Variants in CTNNA2 observed in about 807,000 individuals in gnomAD.
The protein encoded by CTNNA2 is catenin alpha 2, also known as catenin alpha-2.
Under a neutral mutation model 101.0 loss-of-function variants are expected in CTNNA2, and 42 were observed. The observed-to-expected ratio is 0.42, with a 90% CI of 0.32 to 0.54. The LOEUF (loss-of-function observed/expected upper bound fraction) is 0.54, where lower values mean the gene tolerates loss of function less well. CTNNA2 is among the 20% of genes least tolerant of loss of function. The pLI is 0.14. For missense variants in CTNNA2, 871 were observed against 1,223.1 expected, an observed-to-expected ratio of 0.71 and a Z score of 4.29; for synonymous variants, 450 against 456.4, an observed-to-expected ratio of 0.99 and a Z score of 0.18.
At chr2:79,212,680 G>A (rs1183537192) in intron 2 of CTNNA2, among the ~76,000 whole-genome samples, 1 of 123,626 alleles carries the variant, frequency 8.1e-6, no homozygotes, top group East Asian at 2.9e-4. Flanking sequence ...ATGTCTGACA[G>A]AAGGGAAGAA....
chr2:79,617,142 T>G (rs1678681242), intron 1 of CTNNA2, among the ~76,000 whole-genome samples: 1 of 152,170 alleles, frequency 6.6e-6, no homozygotes, highest in Admixed American at 6.5e-5. Context: ...GACCTCGTGA[T>G]CCGCCCACCT....
chr2:79,264,131 TGAA>T (rs1674959791), intron 2 of CTNNA2, among the ~76,000 whole-genome samples: 1 of 152,078 alleles, frequency 6.6e-6, no homozygotes, highest in African/African-American at 2.4e-5. Flanking sequence ...ATAACTGGAA[TGAA>T]GGAGGGAAAC....
intron 1 of CTNNA2, among the ~76,000 whole-genome samples, chr2:79,564,833 G>T (rs1180972162): frequency 6.6e-6 from 1 of 152,070 alleles, no homozygotes; most frequent in Non-Finnish European, 1.5e-5. Flanking sequence ...TGGGATTCCA[G>T]CTTCATGCTA....
intron 4 of CTNNA2, among the ~76,000 whole-genome samples, chr2:79,455,629 C>A (rs1252423978): frequency 6.6e-6 from 1 of 152,174 alleles, no homozygotes; most frequent in Non-Finnish European, 1.5e-5. Flanking sequence ...TTCAAAAAAC[C>A]TGGTTTGCAT....
At chr2:80,630,807 G>C (rs1672209750) in intron 18 of CTNNA2, among the ~76,000 whole-genome samples, 1 of 151,642 alleles carries the variant, frequency 6.6e-6, no homozygotes, top group Non-Finnish European at 1.5e-5. Context: ...TTGCTTCTGT[G>C]TTTGTTAATA....
chr2:80,202,776 G>T (rs1487626445), intron 7 of CTNNA2, among the ~76,000 whole-genome samples: 2 of 151,538 alleles, frequency 1.3e-5, no homozygotes, highest in Non-Finnish European at 2.9e-5. Context: ...GCCCTGAGCT[G>T]ATTGTATTGG....
chr2:79,857,972 C>G, intron 3 of CTNNA2, 41 bp from the exon 4 acceptor site: 5 of 1,589,018 alleles, frequency 3.1e-6, no homozygotes, highest in Non-Finnish European at 4.3e-6. Context: ...AGTCTCTAAG[C>G]CTCTTGTCTA....
intron 8 of CTNNA2, among the ~76,000 whole-genome samples, chr2:80,416,752 A>C (rs1680080354): frequency 6.6e-6 from 1 of 151,998 alleles, no homozygotes; most frequent in African/African-American, 2.4e-5. Context: ...AATTCTTAAA[A>C]TATTTTATTT....
chr2:79,853,589 C>T (rs1372047760), intron 3 of CTNNA2, among the ~76,000 whole-genome samples: 1 of 152,146 alleles, frequency 6.6e-6, no homozygotes, highest in African/African-American at 2.4e-5. Context: ...TGGTTCATGA[C>T]CTGATTCCTA....
chr2:80,062,024 T>C (rs918312364), intron 7 of CTNNA2, among the ~76,000 whole-genome samples: 1 of 152,258 alleles, frequency 6.6e-6, no homozygotes, highest in Non-Finnish European at 1.5e-5. Context: ...GCTTTCAGCC[T>C]GTCTGCATTT....
intron 4 of CTNNA2, among the ~76,000 whole-genome samples, 168 bp from the exon 5 acceptor site, chr2:79,869,648 T>G (rs1682431917): frequency 6.6e-6 from 1 of 152,210 alleles, no homozygotes; most frequent in African/African-American, 2.4e-5. Flanking sequence ...GAATAACTAT[T>G]TAATCTGACT....
chr2:79,280,416 C>G (rs1267767627), intron 2 of CTNNA2, among the ~76,000 whole-genome samples: 1 of 152,056 alleles, frequency 6.6e-6, no homozygotes, highest in Non-Finnish European at 1.5e-5. Context: ...TTTCTGCAAG[C>G]AAGCAAACAG....
rs567401254 is a variant in CTNNA2 at position 79,863,679 on chromosome 2, T to A, written c.465+5500T>A. ...CAAGAACTCTTAAGGAATATGGGAA[T>A]GGCAGATATGAGGAGAAGCTGCTAC... On this transcript the variant is annotated intron_variant, in intron 4 of 18. Transcript: ENST00000402739. 2.6e-5 allele frequency among the ~76,000 whole-genome samples: 4 copies of A among 152,312 alleles called. No homozygotes were observed. In the East Asian group the frequency reaches 7.7e-4, roughly 29 times the overall value.
chr2:80,431,983 G>A (rs575961837), intron 9 of CTNNA2, among the ~76,000 whole-genome samples: 39 of 152,032 alleles, frequency 2.6e-4, no homozygotes, highest in African/African-American at 9.4e-4. Context: ...CAGTGCCCAG[G>A]GTTGGCAGGT....
intron 4 of CTNNA2, among the ~76,000 whole-genome samples, chr2:79,867,388 GTCTA>G (rs1046683164): frequency 6.7e-6 from 1 of 149,586 alleles, no homozygotes; most frequent in South Asian, 2.1e-4. Flanking sequence ...TAATCTATCT[GTCTA>G]TCTATCCTAT....
chr2:80,028,500 T>G (rs2104169867), intron 7 of CTNNA2: 1 of 152,342 alleles, frequency 6.6e-6, no homozygotes, highest in Middle Eastern at 3.4e-3. Context: ...TCTTATTTTC[T>G]TTGGATTCTT....
At chr2:80,188,405 T>C (rs546373245) in intron 7 of CTNNA2, among the ~76,000 whole-genome samples, 2 of 152,302 alleles carry the variant, frequency 1.3e-5, no homozygotes, top group East Asian at 3.9e-4. Flanking sequence ...TTTCAGCTGG[T>C]GGCACTGTAT....
chr2:80,475,960 G>C (rs1157849746), intron 9 of CTNNA2, among the ~76,000 whole-genome samples: 1 of 152,000 alleles, frequency 6.6e-6, no homozygotes, highest in Non-Finnish European at 1.5e-5. Context: ...CTATCGACTA[G>C]AGCAATAATG....
chr2:80,185,016 T>C (rs990872250), intron 7 of CTNNA2, among the ~76,000 whole-genome samples: 7 of 152,174 alleles, frequency 4.6e-5, no homozygotes, highest in African/African-American at 1.7e-4. Flanking sequence ...CAAAACTCAA[T>C]GGTTTAAAAC....
Sources: gnomAD v4.1 joint callset for allele counts (sites outside exome capture counted in the v4.1 genomes callset) on GRCh38, gnomAD v4.1.1 for gene constraint, MANE v1.5 for transcripts, NCBI Gene and HGNC (gene_info 2026-07-23, HGNC 2026-07-21) for gene names.